Variants in UBE2K observed in about 807,000 individuals in gnomAD.
UBE2K encodes the protein ubiquitin-conjugating enzyme E2 K.
Under a neutral mutation model 30.0 loss-of-function variants are expected in UBE2K, and 6 were observed. That is an observed-to-expected ratio of 0.20 (90% CI 0.11 to 0.39). The LOEUF (loss-of-function observed/expected upper bound fraction) is 0.39. Among genes scored for constraint, UBE2K ranks in the 10% least tolerant of loss-of-function variants. The probability of loss-of-function intolerance (pLI) is 1.00; values close to 1 mark genes in which losing one functional copy is unlikely to be tolerated. For missense variants in UBE2K, 61 were observed against 241.6 expected (o/e 0.25, Z 4.96); for synonymous variants, 86 against 83.7 (o/e 1.03, Z -0.15).
chr4:39,778,314 A>T, intron 6 of UBE2K, 46 bp from the exon 7 acceptor site: 3 of 1,267,036 alleles, frequency 2.4e-6, no homozygotes, highest in Non-Finnish European at 3.4e-6. Flanking sequence ...TATTGTTTAA[A>T]TGTTTCCTTG....
intron 1 of UBE2K, among the ~76,000 whole-genome samples, chr4:39,723,880 G>A (rs1719574563): frequency 6.6e-6 from 1 of 151,734 alleles, no homozygotes; most frequent in African/African-American, 2.4e-5. Context: ...TGGCACAATC[G>A]CGGCTTATTG....
chr4:39,733,051 G>GAAA (rs59978380), intron 1 of UBE2K, among the ~76,000 whole-genome samples: 22 of 97,048 alleles, frequency 2.3e-4, no homozygotes, highest in African/African-American at 3.7e-4. Flanking sequence ...GGAACATCAG[G>GAAA]AAAAAAAAAA....
rs1367042576 is a variant in UBE2K at position 39,779,112 on chromosome 4, A to G, written c.*678A>G. On this transcript the variant is annotated 3_prime_UTR_variant, in exon 7 of 7. Transcript: ENST00000261427. ...GTAAATTTCTCTGTATCAGGTGGGGAAATGTGCTGAAGGACAGTATGTATC... is the reference window on the plus strand; with the variant it reads ...GTAAATTTCTCTGTATCAGGTGGGGGAATGTGCTGAAGGACAGTATGTATC... 1 of 117,528 alleles carries G rather than the reference A, an allele frequency of 8.5e-6. No homozygotes were observed. Among genetic ancestry groups the G allele is most frequent in the African/African-American group, 3.2e-5 (1 of 30,808 alleles). 7.3% of individuals were successfully genotyped at this position (117,528 alleles called of 1,614,324 possible).
chr4:39,730,262 G>A (rs1020940151), intron 1 of UBE2K, among the ~76,000 whole-genome samples: 1 of 152,090 alleles, frequency 6.6e-6, no homozygotes, highest in Non-Finnish European at 1.5e-5. Flanking sequence ...ATAGCTTACT[G>A]CACCCTTGAC....
chr4:39,710,209 C>T (rs1478171683), intron 1 of UBE2K: 1 of 151,828 alleles, frequency 6.6e-6, no homozygotes, highest in Non-Finnish European at 1.5e-5. Context: ...TAGTTCTTTG[C>T]TTTTACTCCA....
Position 39,782,028 on chromosome 4 carries a change from A to G in UBE2K, c.*3594A>G, listed in dbSNP as rs1365343632. 7.5e-6 allele frequency: 3 copies of G among 398,152 alleles called. No homozygotes were observed. The highest frequency in any genetic ancestry group is 1.3e-5 in the Non-Finnish European group (3 of 225,784). 24.7% of individuals were successfully genotyped at this position (398,152 alleles called of 1,614,324 possible). ...ATTTGCACTGCTGCAATATAGATCA[A>G]AGATCTTGTGGCATAGGGGTAGGGG... On this transcript the variant is annotated 3_prime_UTR_variant, in exon 7 of 7. Coordinates refer to ENST00000261427, the MANE Select transcript of UBE2K (RefSeq NM_005339.5).
At chr4:39,738,944 G>T (rs930242867) in intron 2 of UBE2K, among the ~76,000 whole-genome samples, 5 of 152,094 alleles carry the variant, frequency 3.3e-5, no homozygotes, top group Non-Finnish European at 5.9e-5. Flanking sequence ...CAAAGTGTTA[G>T]GATTACAGGC....
chr4:39,772,477 AG>A (rs1712955588), intron 4 of UBE2K, among the ~76,000 whole-genome samples: 1 of 151,436 alleles, frequency 6.6e-6, no homozygotes, highest in South Asian at 2.1e-4. Context: ...CAGGAGGCTG[AG>A]GTATGAGAAT....
At chr4:39,715,143 A>G (rs1718980968) in intron 1 of UBE2K, among the ~76,000 whole-genome samples, 1 of 149,878 alleles carries the variant, frequency 6.7e-6, no homozygotes, top group Non-Finnish European at 1.5e-5. Context: ...CTTCTGCCTC[A>G]GCCTCCCGAG....
At chr4:39,714,405 T>C in intron 1 of UBE2K, 1 of 166,174 alleles carries the variant, frequency 6.0e-6, no homozygotes. Context: ...TCTGCTTATT[T>C]TTTGTACAGC....
chr4:39,703,941 A>C (rs1718181898), intron 1 of UBE2K, among the ~76,000 whole-genome samples: 1 of 152,074 alleles, frequency 6.6e-6, no homozygotes, highest in South Asian at 2.1e-4. Flanking sequence ...CAGTAAAGAC[A>C]AAAAATATAT....
rs537288253 is a variant in UBE2K, at chr4:39,743,369, C to T, written c.158-2383C>T. Among the ~76,000 whole-genome samples the T allele has an allele frequency of 4.6e-5, 7 of 152,118 alleles. No homozygotes were observed. The South Asian group carries it at 1.2e-3, about 27-fold the overall frequency. ...CTGTAATCCCAGCTCTTTGGGAGGC[C>T]GAGGCGGGTGGATCACAAGGTCAGG... On this transcript the variant is annotated intron_variant, in intron 2 of 6. Transcript: ENST00000261427.
intron 4 of UBE2K, among the ~76,000 whole-genome samples, chr4:39,757,000 G>GTTT (rs35733561): frequency 1.7e-4 from 16 of 94,354 alleles, no homozygotes; most frequent in Admixed American, 4.9e-4. Flanking sequence ...TTTTTTGGGT[G>GTTT]TTTTTTTTTT....
At chr4:39,732,267 T>G (rs2109342469) in intron 1 of UBE2K, among the ~76,000 whole-genome samples, 2 of 152,348 alleles carry the variant, frequency 1.3e-5, no homozygotes, top group Admixed American at 1.3e-4. Context: ...AACTTGTTCA[T>G]AGCTAGTAAG....
intron 1 of UBE2K, among the ~76,000 whole-genome samples, chr4:39,711,080 CT>C (rs1003202642): frequency 6.9e-6 from 1 of 145,930 alleles, no homozygotes; most frequent in African/African-American, 2.5e-5. Context: ...AAATAAAATA[CT>C]TTTTTGCTTT....
intron 1 of UBE2K, among the ~76,000 whole-genome samples, chr4:39,701,648 TTG>T (rs1339596380): frequency 6.6e-6 from 1 of 152,224 alleles, no homozygotes; most frequent in Non-Finnish European, 1.5e-5. Context: ...CGAGCCTGGT[TTG>T]TATTACTGGT....
chr4:39,706,680 A>T (rs555291804), intron 1 of UBE2K, among the ~76,000 whole-genome samples: 1 of 152,024 alleles, frequency 6.6e-6, no homozygotes, highest in South Asian at 2.1e-4. Context: ...GATGTTGGCC[A>T]GGCTGGTCTC....
In UBE2K at chr4:39,698,169, A is replaced by T; in HGVS notation, c.-159A>T. The T allele has an allele frequency of 1.3e-6, 1 of 745,868 alleles. No individual in the cohort carries two copies. 46.2% of individuals were successfully genotyped at this position (745,868 alleles called of 1,614,324 possible). On this transcript the variant is annotated 5_prime_UTR_variant, in exon 1 of 7. Coordinates refer to ENST00000261427, the MANE Select transcript of UBE2K (RefSeq NM_005339.5). The stretch of plus-strand genomic sequence containing the variant: ...GGTGGCCGGGCGCGGAGGTGATTCC[A>T]CACTGAGGCGAGCGCGGCGGCCGGG...
intron 1 of UBE2K, among the ~76,000 whole-genome samples, chr4:39,726,761 A>G (rs955920434): frequency 1.3e-4 from 20 of 151,762 alleles, no homozygotes; most frequent in African/African-American, 4.8e-4. Context: ...ACACCTGGCT[A>G]ATTTTTTGTG....
Sources: gnomAD v4.1 joint callset for allele counts (sites outside exome capture counted in the v4.1 genomes callset) on GRCh38, gnomAD v4.1.1 for gene constraint, MANE v1.5 for transcripts, NCBI Gene and HGNC (gene_info 2026-07-23, HGNC 2026-07-21) for gene names.